Variants in AKAP12 observed in about 807,000 individuals in gnomAD.
AKAP12 encodes the protein A-kinase anchor protein 12.
In AKAP12, 32 loss-of-function variants were observed where a neutral mutation model predicts 79.9. That is an observed-to-expected ratio of 0.40 (90% CI 0.30 to 0.54). AKAP12 has a LOEUF of 0.54. Ranked by LOEUF, AKAP12 falls within the 20% of genes least tolerant of loss-of-function variation. The pLI is 0.48. For synonymous variants in AKAP12, 808 were observed against 857.0 expected (o/e 0.94, Z 1.00); for missense variants, 2,074 against 2,177.0 (o/e 0.95, Z 0.94).
At chr6:151,310,479 C>T (rs1777070433) in intron 3 of AKAP12, among the ~76,000 whole-genome samples, 1 of 152,184 alleles carries the variant, frequency 6.6e-6, no homozygotes, top group Admixed American at 6.5e-5. Flanking sequence ...GGCGGTGGCT[C>T]ACGCCTGTAA....
At chr6:151,328,249 A>C (rs972816605) in intron 3 of AKAP12, among the ~76,000 whole-genome samples, 3 of 150,424 alleles carry the variant, frequency 2.0e-5, no homozygotes, top group Non-Finnish European at 2.9e-5. Context: ...AATGGCGTGA[A>C]CTCGGGAGGC....
chr6:151,299,758 T>G (rs1359905296), intron 2 of AKAP12, among the ~76,000 whole-genome samples: 3 of 19,200 alleles, frequency 1.6e-4, no homozygotes, highest in Non-Finnish European at 5.2e-4. Context: ...ATTTAAGGGT[T>G]TTTTTTTTTT....
chr6:151,281,781 G>C (rs1441653035), intron 2 of AKAP12, among the ~76,000 whole-genome samples: 1 of 151,774 alleles, frequency 6.6e-6, no homozygotes, highest in Non-Finnish European at 1.5e-5. Context: ...GACTTCCTGG[G>C]CTCAGGAGAT....
intron 2 of AKAP12, among the ~76,000 whole-genome samples, chr6:151,296,911 G>A (rs745874904): frequency 6.6e-6 from 1 of 152,042 alleles, no homozygotes; most frequent in Non-Finnish European, 1.5e-5. Context: ...TGGATCACCA[G>A]TGGAATAATC....
At position 151,358,006 on chromosome 6, in the gene AKAP12, C is replaced by T. The variant is rs879576104; in HGVS notation, c.*2292C>T. 1.3e-5 allele frequency: 2 copies of T among 152,156 alleles called. No individual in the cohort carries two copies. The highest frequency in any genetic ancestry group is 2.4e-5 in the African/African-American group (1 of 41,424). 9.4% of individuals were successfully genotyped at this position (152,156 alleles called of 1,614,324 possible). On this transcript the variant is annotated 3_prime_UTR_variant, in exon 5 of 5. Transcript: ENST00000402676. ...GATTCCATGAGTAGCTGCTTTATGA[C>T]TGCTTTTTGTACTATCTGGATGTGC...
At chr6:151,308,709 T>C (rs1217029469) in intron 3 of AKAP12, among the ~76,000 whole-genome samples, 3 of 152,212 alleles carry the variant, frequency 2.0e-5, no homozygotes, top group Admixed American at 1.3e-4. Flanking sequence ...AGGTTCTCTG[T>C]GGCAACTTGG....
intron 3 of AKAP12, among the ~76,000 whole-genome samples, chr6:151,312,556 CCGAGGTGGGCGGATCA>C (rs1777129906): frequency 6.6e-6 from 1 of 152,004 alleles, no homozygotes; most frequent in Non-Finnish European, 1.5e-5. Context: ...CTTTGGGAGG[CCGAGGTGGGCGGATCA>C]CGAGGTCAGG....
chr6:151,316,149 C>G (rs1777229756), intron 3 of AKAP12, among the ~76,000 whole-genome samples: 1 of 152,178 alleles, frequency 6.6e-6, no homozygotes, highest in Admixed American at 6.5e-5. Context: ...GCCTGTTAAT[C>G]AAGATTTATT....
intron 2 of AKAP12, among the ~76,000 whole-genome samples, chr6:151,261,993 ACT>A (rs1475291666): frequency 1.3e-5 from 2 of 151,836 alleles, no homozygotes; most frequent in Non-Finnish European, 2.9e-5. Flanking sequence ...ACAGAGACTC[ACT>A]CTGTCAGCCA....
At chr6:151,338,892 C>T (rs949974239) in intron 3 of AKAP12, among the ~76,000 whole-genome samples, 2 of 152,168 alleles carry the variant, frequency 1.3e-5, no homozygotes, top group Non-Finnish European at 2.9e-5. Context: ...GGGCTTTTCT[C>T]CCTCCCTTTC....
At chr6:151,329,262 C>A (rs965166576) in intron 3 of AKAP12, among the ~76,000 whole-genome samples, 1 of 152,158 alleles carries the variant, frequency 6.6e-6, no homozygotes, top group Non-Finnish European at 1.5e-5. Flanking sequence ...ATTACAGGCA[C>A]CTGCCACCAC....
chr6:151,325,712 T>C (rs988388456), intron 3 of AKAP12: 9 of 1,487,770 alleles, frequency 6.0e-6, no homozygotes, highest in Middle Eastern at 3.6e-4. Flanking sequence ...CACCTCCGGT[T>C]CTCCCCCATC....
chr6:151,349,896 T>C lies in AKAP12; in HGVS notation c.1505T>C (p.Met502Thr). 1 of 1,614,058 alleles carries C rather than the reference T, an allele frequency of 6.2e-7. No homozygotes were observed. The highest frequency in any genetic ancestry group is 8.5e-7 in the Non-Finnish European group (1 of 1,180,010). The change falls in exon 4 of 5, where the codon ATG becomes ACG. Residue 502 changes from methionine to threonine, a missense_variant. This residue lies in a region of AKAP12 where 1,428 missense variants were observed against 1,451.0 expected (regional missense o/e 0.98). Transcript: ENST00000402676. Reference protein sequence around the residue: ...PPEGVVSEVEMLSSQERMKVQ... With the variant: ...PPEGVVSEVETLSSQERMKVQ... ...GAAGGCGTTGTGAGTGAGGTGGAAA[T>C]GCTGTCATCACAGGAGAGAATGAAG...
intron 2 of AKAP12, among the ~76,000 whole-genome samples, chr6:151,251,981 C>T (rs10457873): frequency 0.5 from 75,358 of 151,822 alleles, 20,076 homozygotes; most frequent in Admixed American, 0.61. Flanking sequence ...CGGGCAACAG[C>T]GTGAGTGAGA....
chr6:151,345,791 T>TAA (rs543919392), intron 3 of AKAP12, among the ~76,000 whole-genome samples: 23 of 128,852 alleles, frequency 1.8e-4, no homozygotes, highest in Middle Eastern at 3.8e-3. Flanking sequence ...GACTCTGTCT[T>TAA]AAAAAAAAAA....
chr6:151,345,169 G>A (rs897418073), intron 3 of AKAP12, among the ~76,000 whole-genome samples: 5 of 151,788 alleles, frequency 3.3e-5, no homozygotes, highest in African/African-American at 7.3e-5. Flanking sequence ...TCCACCTCCC[G>A]GCTTCACACC....
intron 2 of AKAP12, among the ~76,000 whole-genome samples, chr6:151,266,649 A>G (rs1364823663): frequency 6.6e-6 from 1 of 152,200 alleles, no homozygotes; most frequent in East Asian, 1.9e-4. Flanking sequence ...TAAATAACAC[A>G]GGGGAAGGAA....
chr6:151,353,718 A>T lies in AKAP12; in HGVS notation c.5327A>T (p.Lys1776Met), dbSNP rs1778364768. ...ELQKQERESA[K>M]SELTES ...CAGAAACAAGAGAGAGAATCTGCAAAGTCAGAACTTACAGAATCTTAAAAC... is the reference window on the plus strand; with the variant it reads ...CAGAAACAAGAGAGAGAATCTGCAATGTCAGAACTTACAGAATCTTAAAAC... Residue 1776 changes from lysine (K) to methionine (M), a missense_variant, in exon 4 of 5, where the codon AAG (lysine) becomes ATG (methionine). This residue lies in a region of AKAP12 where 614 missense variants were observed against 665.6 expected (regional missense o/e 0.92). Coordinates refer to ENST00000402676, the MANE Select transcript of AKAP12 (RefSeq NM_005100.4). 41 of 1,593,756 alleles carry T rather than the reference A, an allele frequency of 2.6e-5. No individual in the cohort carries two copies. Among genetic ancestry groups the T allele is most frequent in the Non-Finnish European group, 3.4e-5 (40 of 1,172,038 alleles).
chr6:151,325,340 G>C, intron 3 of AKAP12: 1 of 985,446 alleles, frequency 1.0e-6, no homozygotes, highest in Non-Finnish European at 1.2e-6. Flanking sequence ...GACTTAAAAA[G>C]CTGAGATACA....
Sources: gnomAD v4.1 joint callset for allele counts (sites outside exome capture counted in the v4.1 genomes callset) on GRCh38, gnomAD v4.1.1 for gene constraint, gnomAD v4.1.1 regional missense constraint, MANE v1.5 for transcripts, NCBI Gene and HGNC (gene_info 2026-07-23, HGNC 2026-07-21) for gene names.